NCKAP5: variants seen among roughly 807,000 people sequenced by gnomAD.
NCKAP5 encodes the protein nck-associated protein 5.
Under a neutral mutation model 167.0 loss-of-function variants are expected in NCKAP5, and 92 were observed. The observed-to-expected ratio is 0.55, with a 90% CI of 0.47 to 0.66. NCKAP5 has a LOEUF of 0.66. Ranked by LOEUF, NCKAP5 falls within the 30% of genes least tolerant of loss-of-function variation. NCKAP5 has a pLI of 0.00. For synonymous variants in NCKAP5, 891 were observed against 877.4 expected (o/e 1.02, Z -0.27); for missense variants, 2,378 against 2,315.0 (o/e 1.03, Z -0.56).
At position 133,504,668 on chromosome 2, in the gene NCKAP5, T is replaced by C. The variant is rs116399462; in HGVS notation, c.69+12790A>G. Reference sequence around the variant, plus strand: ...ATAAGCTAGAATATCCAAAAGACCATTGTCTGCATTCTTGGCAGCAGCCAG... The same window carrying C: ...ATAAGCTAGAATATCCAAAAGACCACTGTCTGCATTCTTGGCAGCAGCCAG... On this transcript the variant is annotated intron_variant, in intron 3 of 19. Coordinates refer to ENST00000409261, the MANE Select transcript of NCKAP5 (RefSeq NM_207363.3). 2.3e-3 allele frequency among the ~76,000 whole-genome samples: 357 copies of C among 152,256 alleles called. 3 individuals carry two copies. Among genetic ancestry groups the C allele is most frequent in the African/African-American group, 8.0e-3 (331 of 41,564 alleles).
At chr2:133,129,904 C>A in intron 6 of NCKAP5, 74 bp downstream of exon 6, 1 of 1,438,458 alleles carries the variant, frequency 7.0e-7, no homozygotes. Context: ...ACTCAATGGA[C>A]ATTCAATCCA....
chr2:133,008,306 T>A (rs576728143), intron 6 of NCKAP5, among the ~76,000 whole-genome samples: 13 of 152,306 alleles, frequency 8.5e-5, no homozygotes, highest in African/African-American at 2.9e-4. Flanking sequence ...GCCTACACAA[T>A]TACTTTCCCT....
intron 6 of NCKAP5, among the ~76,000 whole-genome samples, chr2:133,104,688 T>A (rs1022079555): frequency 1.3e-5 from 2 of 152,212 alleles, no homozygotes; most frequent in African/African-American, 4.8e-5. Flanking sequence ...ACTTATGCAA[T>A]AACAAAGGTA....
chr2:133,149,004 C>CA (rs2083294803), intron 5 of NCKAP5, among the ~76,000 whole-genome samples: 1 of 152,106 alleles, frequency 6.6e-6, no homozygotes, highest in African/African-American at 2.4e-5. Flanking sequence ...TCGTGGTAAT[C>CA]AAAAAGGTTT....
chr2:133,024,953 G>GA (rs1194314278), intron 6 of NCKAP5, among the ~76,000 whole-genome samples: 4 of 152,202 alleles, frequency 2.6e-5, no homozygotes, highest in African/African-American at 7.2e-5. Context: ...ATGCCATATA[G>GA]AAAATATGAT....
intron 3 of NCKAP5, among the ~76,000 whole-genome samples, chr2:133,466,515 A>G (rs1241515568): frequency 6.7e-6 from 1 of 149,778 alleles, no homozygotes; most frequent in Non-Finnish European, 1.5e-5. Flanking sequence ...TTCCATATGA[A>G]CTTTAAAGTA....
chr2:133,160,721 C>T (rs2083761914), intron 5 of NCKAP5, among the ~76,000 whole-genome samples: 1 of 152,124 alleles, frequency 6.6e-6, no homozygotes, highest in Non-Finnish European at 1.5e-5. Flanking sequence ...AATTTACTCA[C>T]CCTTCCTGCT....
At chr2:132,923,537 T>C (rs1352945587) in intron 8 of NCKAP5, among the ~76,000 whole-genome samples, 1 of 152,188 alleles carries the variant, frequency 6.6e-6, no homozygotes, top group East Asian at 1.9e-4. Context: ...AATGGTACAG[T>C]TCTGCAGAAG....
chr2:133,537,310 T>A (rs1299274266), intron 2 of NCKAP5, among the ~76,000 whole-genome samples: 4 of 152,082 alleles, frequency 2.6e-5, no homozygotes, highest in Non-Finnish European at 5.9e-5. Flanking sequence ...GAAATTCATA[T>A]GAATTTTGAG....
chr2:133,348,046 G>A (rs951954222), intron 3 of NCKAP5, among the ~76,000 whole-genome samples: 10 of 152,170 alleles, frequency 6.6e-5, no homozygotes, highest in African/African-American at 2.4e-4. Context: ...AATTTAGCAG[G>A]CAGAGAGAAA....
At chr2:133,065,383 T>C (rs1014618972) in intron 6 of NCKAP5, among the ~76,000 whole-genome samples, 3 of 152,090 alleles carry the variant, frequency 2.0e-5, no homozygotes, top group African/African-American at 7.2e-5. Context: ...TCAAAACACT[T>C]TGGGAGGCTG....
chr2:133,028,464 C>G (rs1305040570), intron 6 of NCKAP5, among the ~76,000 whole-genome samples: 1 of 152,052 alleles, frequency 6.6e-6, no homozygotes, highest in Non-Finnish European at 1.5e-5. Context: ...CTGTTATTGC[C>G]ATAGGTACCT....
At chr2:133,592,517 T>A in the NCKAP5 span, among the ~76,000 whole-genome samples, 12 of 152,216 alleles carry the variant, frequency 7.9e-5, no homozygotes, top group Non-Finnish European at 1.5e-4. Context: ...CATCTATACC[T>A]TAGACTTTGC....
chr2:132,781,832 T>A, intron 14 of NCKAP5, 108 bp downstream of exon 14: 1 of 1,015,566 alleles, frequency 9.8e-7, no homozygotes, highest in Non-Finnish European at 1.4e-6. Context: ...TTTCTGCCTG[T>A]ATGAAAAAAC....
At chr2:132,681,698 A>T (rs910132492) in intron 19 of NCKAP5, among the ~76,000 whole-genome samples, 1 of 152,222 alleles carries the variant, frequency 6.6e-6, no homozygotes, top group Non-Finnish European at 1.5e-5. Flanking sequence ...TCATAGAATT[A>T]TACCTGAAAT....
chr2:133,126,003 C>T (rs1256049307), intron 6 of NCKAP5, among the ~76,000 whole-genome samples: 1 of 152,152 alleles, frequency 6.6e-6, no homozygotes, highest in East Asian at 1.9e-4. Context: ...ATCACCTCAG[C>T]GATCCCATTA....
intron 6 of NCKAP5, among the ~76,000 whole-genome samples, chr2:133,056,604 G>A (rs1258090187): frequency 1.3e-5 from 2 of 152,068 alleles, no homozygotes; most frequent in African/African-American, 4.8e-5. Context: ...TGCTAAATAC[G>A]ACCAGGATAG....
chr2:133,011,104 G>A (rs2149361264), intron 6 of NCKAP5, among the ~76,000 whole-genome samples: 1 of 152,236 alleles, frequency 6.6e-6, no homozygotes. Context: ...CATTGATTAA[G>A]CTGCTACAGA....
intron 6 of NCKAP5, among the ~76,000 whole-genome samples, chr2:133,021,972 A>C (rs1425860278): frequency 6.6e-6 from 1 of 152,164 alleles, no homozygotes; most frequent in Non-Finnish European, 1.5e-5. Context: ...AATGGTATGT[A>C]CACTTCTGAG....
Sources: gnomAD v4.1 joint callset for allele counts (sites outside exome capture counted in the v4.1 genomes callset) on GRCh38, gnomAD v4.1.1 for gene constraint, MANE v1.5 for transcripts, NCBI Gene and HGNC (gene_info 2026-07-23, HGNC 2026-07-21) for gene names.